PARD3: variants seen among roughly 807,000 people sequenced by gnomAD.
The protein encoded by PARD3 is par-3 family cell polarity regulator.
Under a neutral mutation model 155.4 loss-of-function variants are expected in PARD3, and 75 were observed. The ratio of observed to expected loss-of-function variants is 0.48; its 90% CI spans 0.40 to 0.58. The LOEUF (loss-of-function observed/expected upper bound fraction) is 0.58. Among genes scored for constraint, PARD3 ranks in the 20% least tolerant of loss-of-function variants. PARD3 has a pLI of 0.00. For synonymous variants in PARD3, 576 were observed against 610.5 expected (o/e 0.94, Z 0.83); for missense variants, 1,642 against 1,721.7 (o/e 0.95, Z 0.82).
At chr10:34,788,474 C>T (rs933701251) in intron 1 of PARD3, among the ~76,000 whole-genome samples, 1 of 147,026 alleles carries the variant, frequency 6.8e-6, no homozygotes. Flanking sequence ...TCCTGAGACA[C>T]AGTCTTGCTC....
At chr10:34,808,874 C>G (rs1358479242) in intron 1 of PARD3, among the ~76,000 whole-genome samples, 2 of 152,218 alleles carry the variant, frequency 1.3e-5, no homozygotes. Flanking sequence ...AGATCCTAAA[C>G]ATTCCTACTT....
intron 2 of PARD3, among the ~76,000 whole-genome samples, chr10:34,532,137 C>A (rs144028962): frequency 6.6e-6 from 1 of 152,116 alleles, no homozygotes; most frequent in African/African-American, 2.4e-5. Context: ...TGTATATGGA[C>A]GTTTTGATAA....
chr10:34,748,645 T>TC (rs916815000), intron 1 of PARD3, among the ~76,000 whole-genome samples: 2 of 150,784 alleles, frequency 1.3e-5, no homozygotes, highest in Non-Finnish European at 3.0e-5. Flanking sequence ...AGTAGCAGCA[T>TC]CCCCCCCTGC....
chr10:34,127,128 A>G (rs1226624560), intron 23 of PARD3, among the ~76,000 whole-genome samples: 1 of 152,244 alleles, frequency 6.6e-6, no homozygotes, highest in East Asian at 1.9e-4. Flanking sequence ...ATTCAAAGTT[A>G]AAATCTTATA....
At chr10:34,292,913 C>T (rs1956744321) in intron 20 of PARD3, among the ~76,000 whole-genome samples, 1 of 151,960 alleles carries the variant, frequency 6.6e-6, no homozygotes, top group African/African-American at 2.4e-5. Context: ...TAACCTGACA[C>T]TTCAGAAGTC....
intron 1 of PARD3, among the ~76,000 whole-genome samples, chr10:34,712,758 C>G (rs908748596): frequency 3.3e-5 from 5 of 152,014 alleles, no homozygotes. Context: ...ACAATAAACA[C>G]TGGGGACTAC....
chr10:34,191,307 T>C (rs1271496426), intron 22 of PARD3, among the ~76,000 whole-genome samples: 1 of 152,028 alleles, frequency 6.6e-6, no homozygotes, highest in Non-Finnish European at 1.5e-5. Flanking sequence ...TTTTGGAATA[T>C]GTCGACTATG....
intron 7 of PARD3, among the ~76,000 whole-genome samples, chr10:34,395,432 T>G (rs1209779121): frequency 6.6e-6 from 1 of 152,112 alleles, no homozygotes; most frequent in Non-Finnish European, 1.5e-5. Context: ...GTTTTTCTAC[T>G]AAGAAAATAA....
intron 2 of PARD3, among the ~76,000 whole-genome samples, chr10:34,587,268 G>A (rs918666951): frequency 1.3e-5 from 2 of 152,094 alleles, no homozygotes; most frequent in Admixed American, 1.3e-4. Flanking sequence ...GATTACAGGC[G>A]CCTGCCAGCA....
chr10:34,805,173 T>C (rs1050007144), intron 1 of PARD3, among the ~76,000 whole-genome samples: 3 of 151,828 alleles, frequency 2.0e-5, no homozygotes, highest in African/African-American at 7.3e-5. Context: ...CTGGCCAACA[T>C]TGTGAAACCC....
At chr10:34,514,146 T>C (rs936631089) in intron 3 of PARD3, among the ~76,000 whole-genome samples, 1 of 152,196 alleles carries the variant, frequency 6.6e-6, no homozygotes, top group African/African-American at 2.4e-5. Flanking sequence ...ACATACTCTA[T>C]ATATTTTTCT....
intron 22 of PARD3, among the ~76,000 whole-genome samples, chr10:34,196,562 CCTTTT>C (rs1950943788): frequency 6.8e-6 from 1 of 147,046 alleles, no homozygotes; most frequent in African/African-American, 2.6e-5. Flanking sequence ...TACTTTGTAC[CCTTTT>C]CTTTTTTTTT....
chr10:34,279,878 T>TATAA (rs1260159531), intron 21 of PARD3, among the ~76,000 whole-genome samples: 1 of 152,236 alleles, frequency 6.6e-6, no homozygotes, highest in Non-Finnish European at 1.5e-5. Flanking sequence ...TAAGGAGATT[T>TATAA]ATAAATATTC....
intron 22 of PARD3, among the ~76,000 whole-genome samples, chr10:34,215,270 G>T (rs1346795906): frequency 1.3e-5 from 2 of 152,154 alleles, no homozygotes; most frequent in African/African-American, 4.8e-5. Context: ...GCCCAGACTT[G>T]TCAAATTTCC....
Position 34,117,420 on chromosome 10 carries a change from CCA to C in PARD3, c.3668+2191_3668+2192del, listed in dbSNP as rs199853760. On this transcript the variant is annotated intron_variant, in intron 24 of 24. Transcript: ENST00000374788. ...AGCTCACCCTTCCGATGGAATGCAG[CCA>C]CACAGACTGGAGGGCAGTGGGGAGG... is the stretch of plus-strand genomic sequence containing the variant. 8.2e-3 allele frequency among the ~76,000 whole-genome samples: 1,255 copies of C among 152,254 alleles called. 16 individuals carry two copies. Among genetic ancestry groups the C allele is most frequent in the African/African-American group, 0.029 (1,215 of 41,536 alleles).
chr10:34,344,541 C>G, intron 15 of PARD3: 3 of 963,876 alleles, frequency 3.1e-6, no homozygotes, highest in Non-Finnish European at 3.7e-6. Flanking sequence ...CTGGGCCTCC[C>G]AAAGTGCTGG....
rs200885697 is a variant in PARD3, at chr10:34,639,355, ACT to A, written c.222+56961_222+56962del. On this transcript the variant is annotated intron_variant, in intron 2 of 24. Transcript: ENST00000374788. ...AGGTTGCTGTGAGCAAAAGAGCAAG[ACT>A]CTGTCTCAAAAAAATAAAAATAAAA... Among the ~76,000 whole-genome samples the A allele has an allele frequency of 4.6e-3, 707 of 152,058 alleles. 5 individuals are homozygous for A. The highest frequency in any genetic ancestry group is 0.016 in the African/African-American group (669 of 41,480).
intron 22 of PARD3, 33 bp downstream of exon 22, chr10:34,269,624 G>A (rs770283896): frequency 6.2e-7 from 1 of 1,605,832 alleles, no homozygotes; most frequent in Non-Finnish European, 8.5e-7. Flanking sequence ...AAGCTGATTT[G>A]GAAGCAATAC....
chr10:34,211,797 GAAAGAA>G (rs1341670644), intron 22 of PARD3, among the ~76,000 whole-genome samples: 1 of 151,816 alleles, frequency 6.6e-6, no homozygotes, highest in African/African-American at 2.4e-5. Flanking sequence ...GAAAAAAAAA[GAAAGAA>G]AAAGAAAAAG....
Sources: allele counts gnomAD v4.1 joint callset (sites outside exome capture counted in the v4.1 genomes callset), GRCh38; gene constraint gnomAD v4.1.1; transcripts MANE v1.5; gene names NCBI Gene and HGNC (gene_info 2026-07-23, HGNC 2026-07-21).